The following LYN variants were observed in gnomAD, a reference collection of about 807,000 sequenced individuals.
LYN encodes tyrosine-protein kinase Lyn.
A neutral mutation model predicts 65.0 loss-of-function variants in LYN; 12 were observed. That is an observed-to-expected ratio of 0.18 (90% CI 0.12 to 0.30). The LOEUF (loss-of-function observed/expected upper bound fraction) is 0.30, where lower values mean the gene tolerates loss of function less well. Ranked by LOEUF, LYN falls within the 10% of genes least tolerant of loss-of-function variation. The pLI is 1.00. For missense variants in LYN, 380 were observed against 623.2 expected (o/e 0.61, Z 4.16); for synonymous variants, 222 against 221.2 (o/e 1.00, Z -0.03).
At chr8:55,910,857 T>G (rs1465200644) in intron 1 of LYN, among the ~76,000 whole-genome samples, 1 of 151,382 alleles carries the variant, frequency 6.6e-6, no homozygotes, top group Non-Finnish European at 1.5e-5. Flanking sequence ...CTTTTTGTAG[T>G]TTTCGTATCA....
chr8:55,935,185 C>T (rs1806393639), intron 1 of LYN, among the ~76,000 whole-genome samples: 1 of 152,030 alleles, frequency 6.6e-6, no homozygotes, highest in Admixed American at 6.6e-5. Context: ...TAGGGAGTTA[C>T]ATTCATAATG....
chr8:55,885,765 G>C (rs772889192), intron 1 of LYN, among the ~76,000 whole-genome samples: 11 of 152,220 alleles, frequency 7.2e-5, no homozygotes, highest in Non-Finnish European at 1.6e-4. Flanking sequence ...ACGGAGAGCA[G>C]AACTGTAGCC....
At chr8:55,971,856 G>GTTC (rs765532833) in intron 10 of LYN, among the ~76,000 whole-genome samples, 2 of 152,156 alleles carry the variant, frequency 1.3e-5, no homozygotes, top group African/African-American at 2.4e-5. Context: ...AATGAATAGG[G>GTTC]GGAGAAGCTA....
chr8:55,926,762 C>G (rs1000370914), intron 1 of LYN, among the ~76,000 whole-genome samples: 2 of 152,174 alleles, frequency 1.3e-5, no homozygotes, highest in African/African-American at 4.8e-5. Context: ...TGGAGGATCC[C>G]TTTTCAGAAA....
chr8:55,960,658 A>T (rs1278958275), intron 8 of LYN, among the ~76,000 whole-genome samples: 2 of 152,244 alleles, frequency 1.3e-5, no homozygotes, highest in Non-Finnish European at 2.9e-5. Flanking sequence ...TTCTCAAAGG[A>T]TAAGCAGGCC....
intron 10 of LYN, among the ~76,000 whole-genome samples, chr8:55,982,391 A>G (rs28416311): frequency 6.6e-6 from 1 of 152,078 alleles, no homozygotes; most frequent in African/African-American, 2.4e-5. Context: ...TCTTGGAGCA[A>G]TATGGATTTT....
chr8:55,992,718 G>T (rs1186970676), intron 10 of LYN, among the ~76,000 whole-genome samples: 1 of 152,130 alleles, frequency 6.6e-6, no homozygotes, highest in Non-Finnish European at 1.5e-5. Context: ...CAAACTCTAA[G>T]CTCTGGAGGC....
At chr8:55,999,798 C>G (rs1248020491) in intron 12 of LYN, among the ~76,000 whole-genome samples, 1 of 151,942 alleles carries the variant, frequency 6.6e-6, no homozygotes, top group African/African-American at 2.4e-5. Context: ...ATGGAGAAAC[C>G]CCGTCTCTAC....
At chr8:55,997,992 G>C (rs1030744388) in intron 10 of LYN, among the ~76,000 whole-genome samples, 1 of 152,186 alleles carries the variant, frequency 6.6e-6, no homozygotes, top group African/African-American at 2.4e-5. Flanking sequence ...GCTGAGGCAG[G>C]AGAATGGTGT....
chr8:55,939,343 C>T (rs1156427806), intron 1 of LYN, among the ~76,000 whole-genome samples: 1 of 152,186 alleles, frequency 6.6e-6, no homozygotes, highest in Non-Finnish European at 1.5e-5. Context: ...TTATCCATGA[C>T]AATGGTGGAA....
At position 55,987,575 on chromosome 8, in the gene LYN, C is replaced by T. The variant is rs553853344; in HGVS notation, c.1051-10771C>T. Among the ~76,000 whole-genome samples the T allele has an allele frequency of 1.3e-3, 202 of 152,266 alleles. 1 individual carries two copies. The highest frequency in any genetic ancestry group is 4.8e-3 in the African/African-American group (200 of 41,544). On this transcript the variant is annotated intron_variant, in intron 10 of 12. Coordinates refer to ENST00000519728, the MANE Select transcript of LYN (RefSeq NM_002350.4). ...GGGATTATGGGTGCCCGCCACCACACCTAGCTAAGTTTTGTATTTTAGTGG... is the reference window on the plus strand; with the variant it reads ...GGGATTATGGGTGCCCGCCACCACATCTAGCTAAGTTTTGTATTTTAGTGG...
chr8:55,917,619 A>T (rs944360407), intron 1 of LYN, among the ~76,000 whole-genome samples: 7 of 152,224 alleles, frequency 4.6e-5, no homozygotes, highest in Admixed American at 3.3e-4. Flanking sequence ...AGAGTTCCCT[A>T]AGTAAGCTCC....
In LYN at chr8:56,010,237, A is replaced by G; in HGVS notation, c.*127A>G. ...CTGCCGTGCCTGGATCCTGAAATAG[A>G]GGCTAAATTACTCAGGAAGAACACC... On this transcript the variant is annotated 3_prime_UTR_variant, in exon 13 of 13. Coordinates refer to ENST00000519728, the MANE Select transcript of LYN (RefSeq NM_002350.4). 1 of 898,084 alleles carries G rather than the reference A, an allele frequency of 1.1e-6. No individual in the cohort carries two copies. Among genetic ancestry groups the G allele is most frequent in the Admixed American group, 2.4e-5 (1 of 41,220 alleles). The allele number at this position is 898,084 out of a possible 1,614,324, so 55.6% of individuals were successfully genotyped here.
At position 55,953,778 on chromosome 8, in the gene LYN, G is replaced by T. The variant is rs1441603573; in HGVS notation, c.638-54G>T. On this transcript the variant is annotated intron_variant, in intron 7 of 12. Transcript: ENST00000519728. ...TGTTCAACTTTTCTTTATAGACACA[G>T]GTAAAGTACAAAGTATTGCATTTCT... is the stretch of plus-strand genomic sequence containing the variant. The T allele has an allele frequency of 8.3e-6, 13 of 1,572,724 alleles. No homozygotes were observed. In the East Asian group the frequency reaches 2.7e-4, roughly 33 times the overall value.
chr8:55,889,714 C>T lies in LYN; in HGVS notation c.-6+9611C>T, dbSNP rs540437500. Among the ~76,000 whole-genome samples the T allele has an allele frequency of 2.6e-5, 4 of 152,174 alleles. No individual in the cohort carries two copies. In the East Asian group the frequency reaches 7.7e-4, roughly 29 times the overall value. ...GAGATCCCTGGCACCCAAATGAGTG[C>T]CCAGAAATCACTCTGAATGGTCAAA... On this transcript the variant is annotated intron_variant, in intron 1 of 12. Coordinates refer to ENST00000519728, the MANE Select transcript of LYN (RefSeq NM_002350.4).
intron 1 of LYN, among the ~76,000 whole-genome samples, chr8:55,923,791 C>T (rs1433568688): frequency 3.3e-5 from 5 of 152,040 alleles, no homozygotes; most frequent in Non-Finnish European, 5.9e-5. Context: ...TTGCCTACCT[C>T]GGCCTCCCAA....
intron 10 of LYN, among the ~76,000 whole-genome samples, chr8:55,970,107 G>C (rs959829725): frequency 1.3e-5 from 2 of 152,204 alleles, no homozygotes; most frequent in African/African-American, 2.4e-5. Flanking sequence ...GGGAGAGGCA[G>C]TTCCATGCTA....
chr8:55,964,486 A>G lies in LYN; in HGVS notation c.791-2229A>G, dbSNP rs535472012. On this transcript the variant is annotated intron_variant, in intron 8 of 12. Coordinates refer to ENST00000519728, the MANE Select transcript of LYN (RefSeq NM_002350.4). Reference sequence around the variant, plus strand: ...TCATTGGATAGGTTGACTGCTAGCTATAAATAAACTTTTTATTATTTGTTT... The same window carrying G: ...TCATTGGATAGGTTGACTGCTAGCTGTAAATAAACTTTTTATTATTTGTTT... Among the ~76,000 whole-genome samples the G allele has an allele frequency of 1.2e-4, 19 of 152,362 alleles. No individual in the cohort carries two copies. In the East Asian group the frequency reaches 2.3e-3, roughly 19 times the overall value.
At chr8:55,968,188 AT>A (rs1290470627) in intron 9 of LYN, among the ~76,000 whole-genome samples, 1 of 152,182 alleles carries the variant, frequency 6.6e-6, no homozygotes, top group East Asian at 1.9e-4. Context: ...TGTTGAATTA[AT>A]TAACTTAGAG....
Sources: gnomAD v4.1 joint callset for allele counts (sites outside exome capture counted in the v4.1 genomes callset) on GRCh38, gnomAD v4.1.1 for gene constraint, MANE v1.5 for transcripts, NCBI Gene and HGNC (gene_info 2026-07-23, HGNC 2026-07-21) for gene names.